SYNJ1: variants seen among roughly 807,000 people sequenced by gnomAD.
SYNJ1 encodes the protein polyphosphatidylinositol phosphatase SYNJ1.
In SYNJ1, 78 loss-of-function variants were observed where a neutral mutation model predicts 168.2. That is an observed-to-expected ratio of 0.46 (90% CI 0.39 to 0.56). The LOEUF is 0.56. SYNJ1 is among the 20% of genes least tolerant of loss of function. The pLI, the probability that SYNJ1 is intolerant of heterozygous loss-of-function variation, is 0.00. For synonymous variants in SYNJ1, 539 were observed against 548.6 expected, an observed-to-expected ratio of 0.98 and a Z score of 0.24; for missense variants, 1,303 against 1,597.6, an observed-to-expected ratio of 0.82 and a Z score of 3.14.
At chr21:32,656,543 GA>G in intron 21 of SYNJ1, 143 bp downstream of exon 21, 1 of 655,134 alleles carries the variant, frequency 1.5e-6, no homozygotes, top group Non-Finnish European at 2.5e-6. Context: ...CTTTAGTTTG[GA>G]AATAAAAATA....
In SYNJ1 at chr21:32,727,013, G is replaced by C; in HGVS notation, c.-22-96C>G. The stretch of plus-strand genomic sequence containing the variant: ...CAAAAGTCCCTCCCCGCCAGGTTTT[G>C]ATGGGGGGTTGGGGTGGGAAAAAAC... On this transcript the variant is annotated intron_variant, in intron 1 of 32. Coordinates refer to ENST00000674351, the MANE Select transcript of SYNJ1 (RefSeq NM_203446.3). 3.3e-6 allele frequency: 5 copies of C among 1,519,050 alleles called. No individual in the cohort carries two copies. In the South Asian group the frequency reaches 3.9e-5, roughly 12 times the overall value. The allele number at this position is 1,519,050 out of a possible 1,614,324, so 94.1% of individuals were successfully genotyped here.
At chr21:32,709,338 G>A (rs1301634052) in intron 2 of SYNJ1, among the ~76,000 whole-genome samples, 3 of 151,924 alleles carry the variant, frequency 2.0e-5, no homozygotes, top group Admixed American at 6.5e-5. Context: ...TTAGCAGGGC[G>A]TGGTGGCGCA....
chr21:32,653,994 A>C (rs979507427), intron 21 of SYNJ1: 35 of 152,222 alleles, frequency 2.3e-4, no homozygotes, highest in African/African-American at 7.7e-4. Context: ...AAGAGGAAAA[A>C]AAAAATAAAA....
chr21:32,688,846 G>A (rs1481245600), intron 6 of SYNJ1, among the ~76,000 whole-genome samples: 1 of 152,132 alleles, frequency 6.6e-6, no homozygotes, highest in East Asian at 1.9e-4. Context: ...CCTCCAAGCT[G>A]CCTACCAATA....
At position 32,691,135 on chromosome 21, in the gene SYNJ1, C is replaced by T. The variant is rs111974400; in HGVS notation, c.790-2768G>A. Among the ~76,000 whole-genome samples, 114 of 152,258 alleles carry T rather than the reference C, an allele frequency of 7.5e-4. 1 individual carries two copies. The highest frequency in any genetic ancestry group is 2.6e-3 in the African/African-American group (109 of 41,546). ...CCCTAAATCTCATTCTGAATTGTAA[C>T]CCCCAAGGTTGAAGGTGGGGTCTGG... is the stretch of plus-strand genomic sequence containing the variant. On this transcript the variant is annotated intron_variant, in intron 6 of 32. Transcript: ENST00000674351.
Position 32,722,552 on chromosome 21 carries a change from AAAC to A in SYNJ1, c.124+4217_124+4219del, listed in dbSNP as rs769594252. 9.2e-5 allele frequency among the ~76,000 whole-genome samples: 14 copies of A among 152,176 alleles called. 1 individual carries two copies. The highest frequency in any genetic ancestry group is 1.8e-4 in the Non-Finnish European group (12 of 68,018). ...GTGACAGAACAAGACTCTGCTCAAA[AAAC>A]AACAACAAAAATTTACGGAAAAATA... On this transcript the variant is annotated intron_variant, in intron 2 of 32. Coordinates refer to ENST00000674351, the MANE Select transcript of SYNJ1 (RefSeq NM_203446.3).
chr21:32,682,022 T>C (rs557011593), intron 10 of SYNJ1, among the ~76,000 whole-genome samples: 4 of 152,284 alleles, frequency 2.6e-5, no homozygotes, highest in South Asian at 4.1e-4. Flanking sequence ...TAGGTCTCTT[T>C]AACTTTTGGA....
At chr21:32,638,068 T>C (rs1339272500) in intron 31 of SYNJ1, among the ~76,000 whole-genome samples, 2 of 152,164 alleles carry the variant, frequency 1.3e-5, no homozygotes, top group Admixed American at 6.5e-5. Context: ...ACTTTTTATT[T>C]ATTTATTATT....
chr21:32,673,037 A>G (rs1407917709), intron 14 of SYNJ1, among the ~76,000 whole-genome samples: 1 of 152,206 alleles, frequency 6.6e-6, no homozygotes. Context: ...AGATTTTCTT[A>G]TATGTGTGGT....
intron 21 of SYNJ1, chr21:32,653,890 T>C (rs1192900272): frequency 2.0e-5 from 3 of 152,172 alleles, no homozygotes; most frequent in East Asian, 1.9e-4. Context: ...GTTATGCTCC[T>C]TGTCTTTCAT....
intron 30 of SYNJ1, 54 bp from the exon 31 acceptor site, chr21:32,639,179 T>C (rs1864911692): frequency 1.3e-6 from 2 of 1,503,484 alleles, no homozygotes; most frequent in African/African-American, 1.4e-5. Context: ...ACCATGTTTT[T>C]TTCCTTCTTT....
At chr21:32,712,048 G>C (rs557183291) in intron 2 of SYNJ1, among the ~76,000 whole-genome samples, 31 of 152,268 alleles carry the variant, frequency 2.0e-4, no homozygotes, top group African/African-American at 7.5e-4. Context: ...CAAATGAAGG[G>C]CCTACTATCC....
intron 6 of SYNJ1, among the ~76,000 whole-genome samples, chr21:32,693,570 T>C (rs554438731): frequency 6.6e-6 from 1 of 152,328 alleles, no homozygotes; most frequent in Non-Finnish European, 1.5e-5. Flanking sequence ...CCAAACTTAC[T>C]AGACTATACA....
intron 13 of SYNJ1, among the ~76,000 whole-genome samples, chr21:32,673,890 T>C (rs915869476): frequency 6.6e-6 from 1 of 152,208 alleles, no homozygotes; most frequent in East Asian, 1.9e-4. Context: ...TTTTTAGGAA[T>C]ATAGCAATTA....
chr21:32,708,108 G>A (rs1406273377), intron 2 of SYNJ1, among the ~76,000 whole-genome samples: 1 of 152,200 alleles, frequency 6.6e-6, no homozygotes, highest in Non-Finnish European at 1.5e-5. Flanking sequence ...AGTTACGTCT[G>A]GAAACTTTCA....
intron 1 of SYNJ1, 131 bp from the exon 2 acceptor site, chr21:32,727,048 T>G (rs2043489067): frequency 9.8e-6 from 12 of 1,219,474 alleles, no homozygotes; most frequent in Non-Finnish European, 1.3e-5. Flanking sequence ...CAGACAGCTC[T>G]GGGAGAAAAT....
At chr21:32,686,920 T>C in intron 8 of SYNJ1, 58 bp downstream of exon 8, 2 of 1,150,988 alleles carry the variant, frequency 1.7e-6, no homozygotes, top group Non-Finnish European at 2.5e-6. Flanking sequence ...TATTTTATTT[T>C]TTAATACCAT....
In SYNJ1 at chr21:32,676,374, GA is replaced by G; in HGVS notation, c.1511-20del. On this transcript the variant is annotated intron_variant, in intron 12 of 32. Transcript: ENST00000674351. ...TCAGAAACTATGGATGCAACAAGAA[GA>G]AAACAAAGAATCATTAGTAAAAACA... The G allele has an allele frequency of 6.2e-7, 1 of 1,604,076 alleles. No individual in the cohort carries two copies. Among genetic ancestry groups the G allele is most frequent in the South Asian group, 1.1e-5 (1 of 89,486 alleles).
chr21:32,629,717 A>C lies in SYNJ1; in HGVS notation c.*2088T>G, dbSNP rs2039247956. 1 of 152,438 alleles carries C rather than the reference A, an allele frequency of 6.6e-6. No individual in the cohort carries two copies. Among genetic ancestry groups the C allele is most frequent in the East Asian group, 1.9e-4 (1 of 5,186 alleles). 9.4% of individuals were successfully genotyped at this position (152,438 alleles called of 1,614,324 possible). ...ACTGACAAAGAAACAACTATTGCTC[A>C]AGGAGTTTTCTGATTGGTTTACTTA... On this transcript the variant is annotated 3_prime_UTR_variant, in exon 33 of 33. Transcript: ENST00000674351.
Sources: gnomAD v4.1 joint callset for allele counts (sites outside exome capture counted in the v4.1 genomes callset) on GRCh38, gnomAD v4.1.1 for gene constraint, MANE v1.5 for transcripts, NCBI Gene and HGNC (gene_info 2026-07-23, HGNC 2026-07-21) for gene names.